The following CCDC88A variants were observed in gnomAD, a reference collection of about 807,000 sequenced individuals.
CCDC88A encodes coiled-coil and HOOK domain protein 88A, also known as girdin.
A neutral mutation model predicts 234.3 loss-of-function variants in CCDC88A; 54 were observed. That is an observed-to-expected ratio of 0.23 (90% CI 0.19 to 0.29). The LOEUF (loss-of-function observed/expected upper bound fraction) is 0.29. CCDC88A is among the 10% of genes least tolerant of loss of function. The pLI is 1.00. For synonymous variants in CCDC88A, 753 were observed against 737.8 expected (o/e 1.02, Z -0.33); for missense variants, 1,832 against 2,123.4 (o/e 0.86, Z 2.70).
At chr2:55,345,271 T>C (rs1008587731) in intron 10 of CCDC88A, 2 of 152,196 alleles carry the variant, frequency 1.3e-5, no homozygotes, top group Admixed American at 6.5e-5. Flanking sequence ...TTCTAACTAC[T>C]TTCTCTTATG....
At chr2:55,385,887 C>T (rs1260095876) in intron 3 of CCDC88A, among the ~76,000 whole-genome samples, 1 of 124,204 alleles carries the variant, frequency 8.1e-6, no homozygotes, top group East Asian at 2.4e-4. Flanking sequence ...AAAAAGACAG[C>T]TTAAGTAACA....
intron 3 of CCDC88A, among the ~76,000 whole-genome samples, chr2:55,381,562 A>AAG (rs1674608802): frequency 6.6e-6 from 1 of 151,504 alleles, no homozygotes; most frequent in Non-Finnish European, 1.5e-5. Context: ...CAAAAAAAAA[A>AAG]AAAAAAAAAA....
chr2:55,326,170 C>CTTTTTTTTTTTTTCTTTTTTTTTTT (rs70949102), intron 17 of CCDC88A, among the ~76,000 whole-genome samples: 1 of 147,474 alleles, frequency 6.8e-6, no homozygotes. Flanking sequence ...CCTGTTTCTT[C>CTTTTTTTTTTTTTCTTTTTTTTTTT]TTTTTTTTTT....
intron 30 of CCDC88A, 66 bp from the exon 31 acceptor site, chr2:55,296,122 G>GCAGA: frequency 7.4e-7 from 1 of 1,356,010 alleles, no homozygotes; most frequent in Non-Finnish European, 1.0e-6. Context: ...TCCTGATTTA[G>GCAGA]CAGACTGTGC....
Position 55,302,041 on chromosome 2 carries a change from T to C in CCDC88A, c.4503A>G (p.Leu1501=), listed in dbSNP as rs2104572886. 1 of 1,613,914 alleles carries C rather than the reference T, an allele frequency of 6.2e-7. No individual in the cohort carries two copies. Among genetic ancestry groups the C allele is most frequent in the Non-Finnish European group, 8.5e-7 (1 of 1,179,764 alleles). Residue 1501 remains leucine (L), a synonymous_variant, in exon 27 of 33, where the codon CTA becomes CTG. Coordinates refer to ENST00000436346, the MANE Select transcript of CCDC88A (RefSeq NM_001365480.1). The part of the protein sequence containing the change: ...SMNDLVQSMV[L]AGQWTGSTEN... Reference sequence around the variant, plus strand: ...CAGTACTACCTGTCCACTGTCCTGCTAGGACCATGGACTGCACCAGGTCAT... The same window carrying C: ...CAGTACTACCTGTCCACTGTCCTGCCAGGACCATGGACTGCACCAGGTCAT...
Position 55,390,053 on chromosome 2 carries a change from A to AAAAAAAAAAAAAAAAG in CCDC88A, c.165-1168_165-1167insCTTTTTTTTTTTTTTT, listed in dbSNP as rs377022377. Among the ~76,000 whole-genome samples the AAAAAAAAAAAAAAAAG allele has an allele frequency of 2.5e-3, 197 of 79,752 alleles. 28 individuals carry two copies. Among genetic ancestry groups the AAAAAAAAAAAAAAAAG allele is most frequent in the Admixed American group, 3.1e-3 (17 of 5,452 alleles). The allele number at this position is 79,752 out of a possible 152,430, so 52.3% of individuals were successfully genotyped here. On this transcript the variant is annotated intron_variant, in intron 2 of 32. Transcript: ENST00000436346. ...GAGACTCAAAAAAAAAAAAAAATAAAAAATAAAGATAGAACATTTCAAAGT... is the reference window on the plus strand; with the variant it reads ...GAGACTCAAAAAAAAAAAAAAATAAAAAAAAAAAAAAAAAAGAAATAAAGATAGAACATTTCAAAGT...
chr2:55,366,990 A>T (rs1672073915), intron 5 of CCDC88A, among the ~76,000 whole-genome samples: 1 of 152,214 alleles, frequency 6.6e-6, no homozygotes, highest in Admixed American at 6.5e-5. Context: ...AGGGCCAAAA[A>T]ATGGAGGCAA....
Position 55,396,065 on chromosome 2 carries a change from ATT to A in CCDC88A, c.165-7181_165-7180del, listed in dbSNP as rs55817930. Among the ~76,000 whole-genome samples, 8 of 150,182 alleles carry A rather than the reference ATT, an allele frequency of 5.3e-5. No individual in the cohort carries two copies. The East Asian group carries it at 1.6e-3, about 29-fold the overall frequency. ...TTTTATTTAGGCAATCCATTCTGGT[ATT>A]TTTTTTTTCTTTTTTCTTGTCTGGT... On this transcript the variant is annotated intron_variant, in intron 2 of 32. Coordinates refer to ENST00000436346, the MANE Select transcript of CCDC88A (RefSeq NM_001365480.1).
intron 5 of CCDC88A, among the ~76,000 whole-genome samples, chr2:55,370,741 C>A (rs1045992420): frequency 6.7e-6 from 1 of 149,654 alleles, no homozygotes; most frequent in Non-Finnish European, 1.5e-5. Context: ...GGCAGGGTGG[C>A]TCATGCCTGT....
At chr2:55,341,035 A>G (rs1668403731) in intron 12 of CCDC88A, among the ~76,000 whole-genome samples, 1 of 152,014 alleles carries the variant, frequency 6.6e-6, no homozygotes, top group African/African-American at 2.4e-5. Flanking sequence ...TTGATACCAC[A>G]TATAAATGAG....
chr2:55,362,096 A>G (rs1369916498), intron 7 of CCDC88A: 1 of 393,812 alleles, frequency 2.5e-6, no homozygotes, highest in African/African-American at 2.1e-5. Context: ...CTAATTTAAA[A>G]GAAAAGGAGA....
chr2:55,364,604 G>C (rs1254976796), intron 5 of CCDC88A, among the ~76,000 whole-genome samples: 1 of 151,982 alleles, frequency 6.6e-6, no homozygotes, highest in Non-Finnish European at 1.5e-5. Flanking sequence ...ATAAATATTT[G>C]ATTTGTTTCT....
intron 5 of CCDC88A, among the ~76,000 whole-genome samples, chr2:55,367,079 G>C (rs1297425318): frequency 6.6e-6 from 1 of 152,138 alleles, no homozygotes; most frequent in Non-Finnish European, 1.5e-5. Flanking sequence ...GCCTTAATAA[G>C]GAAGGAAACT....
intron 12 of CCDC88A, among the ~76,000 whole-genome samples, chr2:55,341,136 CTTTCTTTTTTTTTTT>C (rs1270383570): frequency 9.3e-6 from 1 of 107,948 alleles, no homozygotes; most frequent in Non-Finnish European, 1.8e-5. Context: ...GACAGAATTT[CTTTCTTTTTTTTTTT>C]TTTTTTTTTT....
chr2:55,397,567 G>C (rs1319289939), intron 2 of CCDC88A, among the ~76,000 whole-genome samples: 3 of 151,548 alleles, frequency 2.0e-5, no homozygotes, highest in Non-Finnish European at 4.4e-5. Context: ...ATTATACTTT[G>C]GATGCATAAT....
rs547860966 is a variant in CCDC88A, at chr2:55,389,279, G to A, written c.165-393C>T. Among the ~76,000 whole-genome samples, 9 of 152,254 alleles carry A rather than the reference G, an allele frequency of 5.9e-5. No homozygotes were observed. The South Asian group carries it at 1.7e-3, about 28-fold the overall frequency. ...TTATTTCTCCTCACTGGGTAATAGGGATTATATTTGAACAGGCAATGTCCC... is the reference window on the plus strand; with the variant it reads ...TTATTTCTCCTCACTGGGTAATAGGAATTATATTTGAACAGGCAATGTCCC... On this transcript the variant is annotated intron_variant, in intron 2 of 32. Coordinates refer to ENST00000436346, the MANE Select transcript of CCDC88A (RefSeq NM_001365480.1).
chr2:55,301,672 G>A (rs1680916032), intron 27 of CCDC88A, 200 bp downstream of exon 27: 2 of 585,454 alleles, frequency 3.4e-6, no homozygotes. Flanking sequence ...ATTATGAAAG[G>A]AGGCCTGGAA....
chr2:55,351,441 G>A (rs1669875336), intron 8 of CCDC88A, among the ~76,000 whole-genome samples: 1 of 151,912 alleles, frequency 6.6e-6, no homozygotes, highest in Non-Finnish European at 1.5e-5. Flanking sequence ...TTGACCTCCT[G>A]GTTCAGGTGA....
intron 2 of CCDC88A, among the ~76,000 whole-genome samples, chr2:55,390,562 G>C (rs1462711982): frequency 6.6e-6 from 1 of 152,210 alleles, no homozygotes; most frequent in Non-Finnish European, 1.5e-5. Flanking sequence ...AAAGGAGGAA[G>C]ATACCCTCTT....
Sources: gnomAD v4.1 joint callset for allele counts (sites outside exome capture counted in the v4.1 genomes callset) on GRCh38, gnomAD v4.1.1 for gene constraint, MANE v1.5 for transcripts, NCBI Gene and HGNC (gene_info 2026-07-23, HGNC 2026-07-21) for gene names.